PDZRN3: variants seen among roughly 807,000 people sequenced by gnomAD.
PDZRN3 encodes PDZ domain containing ring finger 3.
Under a neutral mutation model 85.7 loss-of-function variants are expected in PDZRN3, and 38 were observed. That is an observed-to-expected ratio of 0.44 (90% confidence interval 0.34 to 0.58). The LOEUF is 0.58. PDZRN3 is among the 20% of genes least tolerant of loss of function. The probability of loss-of-function intolerance (pLI) is 0.01; values close to 1 mark genes in which losing one functional copy is unlikely to be tolerated. For synonymous variants in PDZRN3, 759 were observed against 638.0 expected, an observed-to-expected ratio of 1.19 and a Z score of -2.86; for missense variants, 1,629 against 1,506.4, an observed-to-expected ratio of 1.08 and a Z score of -1.35.
chr3:73,399,213 C>G (rs1701700985), intron 5 of PDZRN3, among the ~76,000 whole-genome samples: 1 of 152,230 alleles, frequency 6.6e-6, no homozygotes. Flanking sequence ...ATAACTCTAG[C>G]TTCTGAAACA....
At chr3:73,406,709 A>G (rs1168614953) in intron 3 of PDZRN3, among the ~76,000 whole-genome samples, 1 of 152,188 alleles carries the variant, frequency 6.6e-6, no homozygotes, top group Non-Finnish European at 1.5e-5. Context: ...ACAGTATACA[A>G]ATACCAGGCC....
At chr3:73,536,971 A>T (rs966792261) in intron 3 of PDZRN3, among the ~76,000 whole-genome samples, 1 of 151,986 alleles carries the variant, frequency 6.6e-6, no homozygotes, top group Admixed American at 6.6e-5. Flanking sequence ...CAGACTGAAA[A>T]CTATGTCTGA....
At chr3:73,432,875 G>A (rs1702459916) in intron 3 of PDZRN3, among the ~76,000 whole-genome samples, 2 of 151,880 alleles carry the variant, frequency 1.3e-5, no homozygotes, top group African/African-American at 4.8e-5. Flanking sequence ...ATCCTTACCT[G>A]CCAAGGTAGG....
In PDZRN3 at chr3:73,491,592, C is replaced by CTTTTTT. The variant is rs367581488; in HGVS notation, c.919-87198_919-87197insAAAAAA. Among the ~76,000 whole-genome samples the CTTTTTT allele has an allele frequency of 2.0e-3, 230 of 117,534 alleles. 22 individuals carry two copies. The highest frequency in any genetic ancestry group is 0.015 in the Admixed American group (181 of 11,684). 77.1% of individuals were successfully genotyped at this position (117,534 alleles called of 152,430 possible). A position where few individuals can be genotyped will look rare whatever the true frequency, so the allele number is the denominator to read the frequency against. ...AAAGAAAAACCTTGTGTGGAAGGTT[C>CTTTTTT]CTTTTTTTTTTTTAAGAAGCAGGGT... On this transcript the variant is annotated intron_variant, in intron 3 of 9. Coordinates refer to ENST00000263666, the MANE Select transcript of PDZRN3 (RefSeq NM_015009.3).
chr3:73,420,095 G>A (rs1702169903), intron 3 of PDZRN3, among the ~76,000 whole-genome samples: 1 of 152,226 alleles, frequency 6.6e-6, no homozygotes, highest in Non-Finnish European at 1.5e-5. Flanking sequence ...ACGAGACAGT[G>A]TAGGACACAG....
At chr3:73,484,921 G>A (rs1038454254) in intron 3 of PDZRN3, among the ~76,000 whole-genome samples, 1 of 152,180 alleles carries the variant, frequency 6.6e-6, no homozygotes, top group Non-Finnish European at 1.5e-5. Context: ...CGAAACCAGG[G>A]CGAGCCAACC....
chr3:73,595,139 T>TA (rs1397873312), intron 3 of PDZRN3, among the ~76,000 whole-genome samples: 1 of 152,202 alleles, frequency 6.6e-6, no homozygotes. Context: ...GAAGAAACTC[T>TA]AGCTTCCACC....
intron 3 of PDZRN3, among the ~76,000 whole-genome samples, chr3:73,465,768 A>T (rs1475421967): frequency 6.6e-6 from 1 of 152,232 alleles, no homozygotes; most frequent in Non-Finnish European, 1.5e-5. Flanking sequence ...CTCTACTGCC[A>T]CGGGGATTTA....
chr3:73,384,460 G>T lies in PDZRN3; in HGVS notation c.2106C>A (p.Ile702=), dbSNP rs570535127. The T allele has an allele frequency of 1.9e-6, 3 of 1,612,810 alleles. No homozygotes were observed. Among genetic ancestry groups the T allele is most frequent in the African/African-American group, 1.3e-5 (1 of 75,074 alleles). The change falls in exon 10 of 10, where the codon ATC becomes ATA. Residue 702 remains isoleucine (I), a synonymous_variant. Coordinates refer to ENST00000263666, the MANE Select transcript of PDZRN3 (RefSeq NM_015009.3). The part of the protein sequence containing the change: ...LRSIELECLS[I]VRAHKMQQLK... ...GCTGCTGCATCTTGTGGGCGCGCAC[G>T]ATGCTCAGGCACTCCAGCTCGATGC...
At chr3:73,571,256 C>CT (rs927594213) in intron 3 of PDZRN3, among the ~76,000 whole-genome samples, 27 of 152,194 alleles carry the variant, frequency 1.8e-4, no homozygotes, top group Non-Finnish European at 3.1e-4. Context: ...CTTTGTATCC[C>CT]TTTTTTCTCC....
intron 3 of PDZRN3, among the ~76,000 whole-genome samples, chr3:73,586,282 A>G (rs1361466809): frequency 1.3e-5 from 2 of 152,206 alleles, no homozygotes; most frequent in Non-Finnish European, 2.9e-5. Flanking sequence ...CTGTATGGAC[A>G]GCTGGCAGAT....
Position 73,385,720 on chromosome 3 carries a change from C to A in PDZRN3, c.1584G>T (p.Leu528=). The A allele has an allele frequency of 6.2e-7, 1 of 1,613,890 alleles. No homozygotes were observed. Among genetic ancestry groups the A allele is most frequent in the Non-Finnish European group, 8.5e-7 (1 of 1,179,812 alleles). Residue 528 remains leucine (L), a synonymous_variant, in exon 9 of 10, where the codon CTG becomes CTT. Transcript: ENST00000263666. ...GCATGGCCTGGTGGTGCTGCTCCTC[C>A]AGCATGTCCATGTGCAGGTCATCCA... The part of the protein sequence containing the change: ...DFLDDLHMDM[L]EEQHHQAMQF...
intron 3 of PDZRN3, among the ~76,000 whole-genome samples, chr3:73,537,722 C>T (rs377694300): frequency 1.5e-4 from 23 of 152,020 alleles, no homozygotes; most frequent in South Asian, 1.3e-3. Context: ...TGGGTTCAAG[C>T]GATTCTTCTA....
intron 7 of PDZRN3, among the ~76,000 whole-genome samples, chr3:73,388,767 G>A (rs1001698866): frequency 4.6e-5 from 7 of 151,852 alleles, no homozygotes; most frequent in African/African-American, 1.7e-4. Flanking sequence ...CAAAAGGGGT[G>A]ACTCTATTGG....
intron 3 of PDZRN3, among the ~76,000 whole-genome samples, chr3:73,529,025 G>A (rs1198038515): frequency 6.6e-6 from 1 of 151,966 alleles, no homozygotes; most frequent in Non-Finnish European, 1.5e-5. Context: ...ACTCTGACAA[G>A]GTTAAAGTAT....
At chr3:73,526,099 T>C (rs544914964) in intron 3 of PDZRN3, among the ~76,000 whole-genome samples, 2 of 152,316 alleles carry the variant, frequency 1.3e-5, no homozygotes, top group Admixed American at 6.5e-5. Flanking sequence ...CGGTAGTTTC[T>C]TCATCTTAAG....
intron 3 of PDZRN3, among the ~76,000 whole-genome samples, chr3:73,488,898 C>A (rs4234171): frequency 0.7 from 106,257 of 152,196 alleles, 37,542 homozygotes; most frequent in East Asian, 0.87. Context: ...GATTTCCATC[C>A]TTGGTGGGGC....
chr3:73,501,588 T>A (rs1290374214), intron 3 of PDZRN3, among the ~76,000 whole-genome samples: 6 of 152,122 alleles, frequency 3.9e-5, no homozygotes, highest in Non-Finnish European at 8.8e-5. Context: ...AAAGCATAAA[T>A]AATAATGTTG....
chr3:73,527,906 C>T (rs1420221235), intron 3 of PDZRN3, among the ~76,000 whole-genome samples: 2 of 152,150 alleles, frequency 1.3e-5, no homozygotes, highest in African/African-American at 2.4e-5. Context: ...TGAGGCAAAA[C>T]ACGAACTACA....
Sources: allele counts gnomAD v4.1 joint callset (sites outside exome capture counted in the v4.1 genomes callset), GRCh38; gene constraint gnomAD v4.1.1; transcripts MANE v1.5; gene names NCBI Gene and HGNC (gene_info 2026-07-23, HGNC 2026-07-21).